Variants in KALRN observed in about 807,000 individuals in gnomAD.
The protein encoded by KALRN is kalirin RhoGEF kinase, also known as kalirin.
KALRN carries 70 observed loss-of-function variants against 353.7 expected under a neutral mutation model. That is an observed-to-expected ratio of 0.20 (90% CI 0.16 to 0.24). The LOEUF (loss-of-function observed/expected upper bound fraction) is 0.24. Ranked by LOEUF, KALRN falls within the 10% of genes least tolerant of loss-of-function variation. The probability of loss-of-function intolerance (pLI) is 1.00; values close to 1 mark genes in which losing one functional copy is unlikely to be tolerated. For missense variants in KALRN, 2,791 were observed against 3,756.7 expected, an observed-to-expected ratio of 0.74 and a Z score of 6.72; for synonymous variants, 1,391 against 1,434.8, an observed-to-expected ratio of 0.97 and a Z score of 0.69.
chr3:124,110,505 A>G (rs565664762), intron 1 of KALRN, among the ~76,000 whole-genome samples: 1 of 149,586 alleles, frequency 6.7e-6, no homozygotes, highest in South Asian at 2.2e-4. Context: ...ACATTGTGAA[A>G]TGATTACCAC....
At chr3:124,427,219 T>C (rs900950213) in intron 15 of KALRN, among the ~76,000 whole-genome samples, 3 of 152,156 alleles carry the variant, frequency 2.0e-5, no homozygotes, top group Non-Finnish European at 4.4e-5. Flanking sequence ...AAAATGGAGA[T>C]AATTAAGAGG....
intron 19 of KALRN, among the ~76,000 whole-genome samples, chr3:124,444,825 GA>G (rs1407548558): frequency 6.8e-6 from 1 of 146,352 alleles, no homozygotes; most frequent in Non-Finnish European, 1.5e-5. Flanking sequence ...ACAAGAAAAA[GA>G]AAGAAAGAAA....
Position 124,355,575 on chromosome 3 carries a change from A to G in KALRN, c.1770+8310A>G, listed in dbSNP as rs987612. ...CTTAATTCAGGTGTAACTTCTAACC[A>G]TGGGTTGCATTTTTATGAGCTGTCC... On this transcript the variant is annotated intron_variant, in intron 10 of 59. Transcript: ENST00000682506. Among the ~76,000 whole-genome samples the G allele has an allele frequency of 2.9e-3, 447 of 152,270 alleles. 6 individuals carry two copies. The highest frequency in any genetic ancestry group is 0.026 in the Admixed American group (404 of 15,278).
At chr3:124,442,127 C>T in intron 19 of KALRN, 68 bp downstream of exon 19, 1 of 876,780 alleles carries the variant, frequency 1.1e-6, no homozygotes. Context: ...ATACCATGTA[C>T]CCAGTTTTCA....
intron 6 of KALRN, among the ~76,000 whole-genome samples, chr3:124,321,068 T>C (rs143617338): frequency 6.6e-6 from 1 of 152,362 alleles, no homozygotes; most frequent in East Asian, 1.9e-4. Context: ...AGAGTTAATG[T>C]CAATCTCCTG....
intron 1 of KALRN, among the ~76,000 whole-genome samples, chr3:124,191,813 G>A (rs1279323096): frequency 6.6e-6 from 1 of 152,160 alleles, no homozygotes; most frequent in East Asian, 1.9e-4. Flanking sequence ...GGCTTTAGGA[G>A]TCCCAGAATG....
chr3:124,318,188 T>C (rs2078991480), intron 6 of KALRN, among the ~76,000 whole-genome samples: 1 of 152,198 alleles, frequency 6.6e-6, no homozygotes, highest in African/African-American at 2.4e-5. Flanking sequence ...TTATCTTTGC[T>C]GGGCACTGGG....
At chr3:124,218,004 G>T (rs1241448382) in intron 1 of KALRN, among the ~76,000 whole-genome samples, 1 of 152,226 alleles carries the variant, frequency 6.6e-6, no homozygotes, top group African/African-American at 2.4e-5. Context: ...GCAAGTGGGA[G>T]TGGGAAGAAA....
intron 1 of KALRN, among the ~76,000 whole-genome samples, chr3:124,155,881 T>A (rs1279573535): frequency 6.6e-6 from 1 of 152,210 alleles, no homozygotes; most frequent in Non-Finnish European, 1.5e-5. Flanking sequence ...ACCTTCTTGC[T>A]TATTTTAATT....
chr3:124,315,602 A>G (rs946036793), intron 6 of KALRN, among the ~76,000 whole-genome samples: 1 of 151,330 alleles, frequency 6.6e-6, no homozygotes, highest in Admixed American at 6.6e-5. Context: ...AGCATGTTCC[A>G]TAACCCAGGC....
chr3:124,060,783 G>A (rs1233930838), intron 1 of KALRN, among the ~76,000 whole-genome samples: 1 of 152,236 alleles, frequency 6.6e-6, no homozygotes, highest in African/African-American at 2.4e-5. Flanking sequence ...GGGAGGGATG[G>A]CTGACACCAT....
rs374618533 is a variant in KALRN, at chr3:124,216,718, TG to T, written c.74-11271del. 8.0e-3 allele frequency among the ~76,000 whole-genome samples: 1,226 copies of T among 152,374 alleles called. 5 individuals are homozygous for T. The highest frequency in any genetic ancestry group is 0.013 in the Non-Finnish European group (893 of 68,028). On this transcript the variant is annotated intron_variant, in intron 1 of 59. Transcript: ENST00000682506. ...TCCTATTTAGCACTTAACATTGTTA[TG>T]CTTCTTTCTAAAGAAATAGCAGACA...
At chr3:124,065,446 T>A (rs1432430190) in intron 1 of KALRN, among the ~76,000 whole-genome samples, 1 of 152,188 alleles carries the variant, frequency 6.6e-6, no homozygotes, top group Non-Finnish European at 1.5e-5. Flanking sequence ...AGTGCCCTCA[T>A]ATTTAAGAGA....
intron 23 of KALRN, among the ~76,000 whole-genome samples, chr3:124,460,347 A>G (rs2059725499): frequency 6.6e-6 from 1 of 152,220 alleles, no homozygotes; most frequent in Non-Finnish European, 1.5e-5. Flanking sequence ...AATAGCCAGA[A>G]GAGATTAAAG....
chr3:124,584,170 A>C (rs2074885137), intron 34 of KALRN, among the ~76,000 whole-genome samples: 1 of 152,118 alleles, frequency 6.6e-6, no homozygotes, highest in Non-Finnish European at 1.5e-5. Context: ...ATGATTCCAA[A>C]CCCAGAGTGT....
intron 44 of KALRN, 33 bp downstream of exon 44, chr3:124,661,006 T>C: frequency 1.3e-6 from 2 of 1,488,064 alleles, no homozygotes; most frequent in Non-Finnish European, 1.9e-6. Flanking sequence ...TTGCTGTTCT[T>C]AGGGACCATA....
intron 1 of KALRN, among the ~76,000 whole-genome samples, chr3:124,064,200 G>A (rs952383212): frequency 6.6e-5 from 10 of 152,112 alleles, no homozygotes; most frequent in African/African-American, 2.4e-4. Context: ...TCCTGCAGTG[G>A]GGTCACCACT....
intron 10 of KALRN, among the ~76,000 whole-genome samples, chr3:124,353,960 G>GTACCAGAT (rs1452180921): frequency 5.3e-5 from 8 of 152,176 alleles, no homozygotes; most frequent in Non-Finnish European, 1.2e-4. Flanking sequence ...ATGAGCTGAT[G>GTACCAGAT]GGAGACCATC....
intron 34 of KALRN, among the ~76,000 whole-genome samples, chr3:124,631,494 T>C (rs2080775070): frequency 6.6e-6 from 1 of 152,186 alleles, no homozygotes; most frequent in Admixed American, 6.5e-5. Flanking sequence ...AAACCTGAGA[T>C]ACCCTTGACT....
Sources: gnomAD v4.1 joint callset for allele counts (sites outside exome capture counted in the v4.1 genomes callset) on GRCh38, gnomAD v4.1.1 for gene constraint, MANE v1.5 for transcripts, NCBI Gene and HGNC (gene_info 2026-07-23, HGNC 2026-07-21) for gene names.